Variants in PBX1 observed in about 807,000 individuals in gnomAD.
PBX1 encodes the protein pre-B-cell leukemia transcription factor 1.
A neutral mutation model predicts 53.4 loss-of-function variants in PBX1; 6 were observed. That is an observed-to-expected ratio of 0.11 (90% CI 0.06 to 0.22). The LOEUF is 0.22. Ranked by LOEUF, PBX1 falls within the 10% of genes least tolerant of loss-of-function variation. PBX1 has a pLI of 1.00. For missense variants in PBX1, 251 were observed against 551.4 expected, an observed-to-expected ratio of 0.46 and a Z score of 5.46; for synonymous variants, 204 against 212.3, an observed-to-expected ratio of 0.96 and a Z score of 0.34.
chr1:164,788,371 T>C lies in PBX1; in HGVS notation c.266-4123T>C, dbSNP rs918825050. The stretch of plus-strand genomic sequence containing the variant: ...TAGACATATCACCCTTTTCATTTAT[T>C]TATTTAATGTTGGTGTTTTTTTTTT... On this transcript the variant is annotated intron_variant, in intron 2 of 8. Coordinates refer to ENST00000420696, the MANE Select transcript of PBX1 (RefSeq NM_002585.4). Among the ~76,000 whole-genome samples, 13 of 151,642 alleles carry C rather than the reference T, an allele frequency of 8.6e-5. No individual in the cohort carries two copies. In the South Asian group the frequency reaches 1.9e-3, roughly 22 times the overall value.
chr1:164,662,554 TCCGAGGAGC>T (rs958536614), intron 2 of PBX1, among the ~76,000 whole-genome samples: 1 of 152,058 alleles, frequency 6.6e-6, no homozygotes, highest in South Asian at 2.1e-4. Context: ...TGGTTCAGGG[TCCGAGGAGC>T]CTTCTTCAGC....
intron 2 of PBX1, among the ~76,000 whole-genome samples, chr1:164,616,236 G>C (rs983457654): frequency 6.6e-6 from 1 of 152,038 alleles, no homozygotes; most frequent in African/African-American, 2.4e-5. Context: ...AGCCACCAGC[G>C]TCTAGGCCAG....
At chr1:164,821,483 C>T (rs1670150142) in intron 7 of PBX1, 54 bp from the exon 8 acceptor site, 2 of 1,399,092 alleles carry the variant, frequency 1.4e-6, no homozygotes, top group Non-Finnish European at 2.0e-6. Context: ...ATCTGCCTCC[C>T]TTTTCCTACA....
intron 2 of PBX1, among the ~76,000 whole-genome samples, chr1:164,661,001 C>T (rs1660456421): frequency 6.6e-6 from 1 of 152,196 alleles, no homozygotes; most frequent in African/African-American, 2.4e-5. Flanking sequence ...GCCAGCTGAT[C>T]ACAGCTGAAG....
intron 2 of PBX1, among the ~76,000 whole-genome samples, chr1:164,622,978 C>A (rs1657787569): frequency 6.6e-6 from 1 of 152,078 alleles, no homozygotes; most frequent in Non-Finnish European, 1.5e-5. Context: ...CTACACCCGG[C>A]TAATTTTTGT....
chr1:164,652,062 C>G (rs1410786903), intron 2 of PBX1: 1 of 151,008 alleles, frequency 6.6e-6, no homozygotes, highest in Non-Finnish European at 1.5e-5. Context: ...AAGAGGAAAT[C>G]ATCACTTTTT....
At chr1:164,834,385 C>T (rs1248821855) in intron 8 of PBX1, among the ~76,000 whole-genome samples, 2 of 150,802 alleles carry the variant, frequency 1.3e-5, no homozygotes, top group Non-Finnish European at 3.0e-5. Context: ...ACTCTGTCAC[C>T]CAGGCTGGAG....
At chr1:164,761,508 G>A (rs1027064101) in intron 2 of PBX1, among the ~76,000 whole-genome samples, 18 of 151,714 alleles carry the variant, frequency 1.2e-4, no homozygotes, top group East Asian at 3.9e-4. Flanking sequence ...GCAGTGGCGC[G>A]ATCTCGACTC....
At chr1:164,784,788 C>A (rs371343962) in intron 2 of PBX1, among the ~76,000 whole-genome samples, 2 of 152,174 alleles carry the variant, frequency 1.3e-5, no homozygotes, top group South Asian at 4.1e-4. Flanking sequence ...ATTTGAGGGC[C>A]GCAAATTCTT....
At chr1:164,584,014 A>G (rs1654795516) in intron 2 of PBX1, among the ~76,000 whole-genome samples, 1 of 152,138 alleles carries the variant, frequency 6.6e-6, no homozygotes, top group Non-Finnish European at 1.5e-5. Context: ...TGAAGATGGT[A>G]AGGTCCTAGT....
intron 2 of PBX1, among the ~76,000 whole-genome samples, chr1:164,747,016 C>G (rs1665929647): frequency 6.6e-6 from 1 of 152,096 alleles, no homozygotes; most frequent in Admixed American, 6.6e-5. Context: ...TTCATTCTCT[C>G]CAGAAATCTT....
intron 2 of PBX1, among the ~76,000 whole-genome samples, chr1:164,719,178 G>A (rs1041758838): frequency 1.3e-5 from 2 of 152,152 alleles, no homozygotes; most frequent in African/African-American, 4.8e-5. Flanking sequence ...TGGTTAGGAT[G>A]GTGTCCCAGG....
intron 3 of PBX1, among the ~76,000 whole-genome samples, chr1:164,793,816 TTTC>T (rs71583423): frequency 0.056 from 8,388 of 150,972 alleles, 330 homozygotes; most frequent in Middle Eastern, 0.12. Flanking sequence ...TTTTTTTTCG[TTTC>T]TTCTTTTCTT....
At chr1:164,854,175 G>C (rs1216336485), downstream of PBX1, 1 of 151,788 alleles carries the variant, frequency 6.6e-6, no homozygotes, top group Non-Finnish European at 1.5e-5. Flanking sequence ...CAAAGAACTG[G>C]GATTACAGGC....
chr1:164,792,126 A>G (rs1320498642), intron 2 of PBX1, among the ~76,000 whole-genome samples: 2 of 152,160 alleles, frequency 1.3e-5, no homozygotes, highest in Non-Finnish European at 2.9e-5. Flanking sequence ...TTAAGTGTAC[A>G]GTTGAGTATT....
At chr1:164,782,510 G>A (rs914845184) in intron 2 of PBX1, among the ~76,000 whole-genome samples, 2 of 152,200 alleles carry the variant, frequency 1.3e-5, no homozygotes, top group Admixed American at 6.5e-5. Flanking sequence ...AATGATCGAC[G>A]AATTCTGTAA....
Position 164,746,601 on chromosome 1 carries a change from C to A in PBX1, c.266-45893C>A, listed in dbSNP as rs182146388. On this transcript the variant is annotated intron_variant, in intron 2 of 8. Coordinates refer to ENST00000420696, the MANE Select transcript of PBX1 (RefSeq NM_002585.4). ...CACATTGGCCAGGCTGTTCTCGAAC[C>A]CTTGACCTCATGTGGCCAGGCTGTT... 1.3e-3 allele frequency among the ~76,000 whole-genome samples: 203 copies of A among 151,922 alleles called. 1 individual carries two copies. Among genetic ancestry groups the A allele is most frequent in the African/African-American group, 4.7e-3 (196 of 41,430 alleles).
chr1:164,863,113 G>A (rs1178881515), intron 2 of PBX1, among the ~76,000 whole-genome samples: 1 of 152,222 alleles, frequency 6.6e-6, no homozygotes, highest in East Asian at 1.9e-4. Context: ...CCAAAGGGGG[G>A]AAATGAATGA....
rs990838015 is a variant in PBX1, at chr1:164,559,299, A to T, written c.-524A>T. 4 of 142,960 alleles carry T rather than the reference A, an allele frequency of 2.8e-5. No individual in the cohort carries two copies. The highest frequency in any genetic ancestry group is 1.3e-4 in the African/African-American group (4 of 29,754). 8.9% of individuals were successfully genotyped at this position (142,960 alleles called of 1,614,324 possible). A position where few individuals can be genotyped will look rare whatever the true frequency, so the allele number is the denominator to read the frequency against. On this transcript the variant is annotated 5_prime_UTR_variant, in exon 1 of 9. Transcript: ENST00000420696. ...GGAGATCTGGCTTTTGCAACAGCCC[A>T]CCCCCTTTGAGATCACTCTGGCCCG... is the stretch of plus-strand genomic sequence containing the variant.
Sources: gnomAD v4.1 joint callset for allele counts (sites outside exome capture counted in the v4.1 genomes callset) on GRCh38, gnomAD v4.1.1 for gene constraint, MANE v1.5 for transcripts, NCBI Gene and HGNC (gene_info 2026-07-23, HGNC 2026-07-21) for gene names.